The following MFSD6 variants were observed in gnomAD, a reference collection of about 807,000 sequenced individuals.
MFSD6 encodes major facilitator superfamily domain containing 6.
Under a neutral mutation model 56.3 loss-of-function variants are expected in MFSD6, and 26 were observed. That is an observed-to-expected ratio of 0.46 (90% CI 0.34 to 0.64). MFSD6 has a LOEUF of 0.64. MFSD6 is among the 30% of genes least tolerant of loss of function. MFSD6 has a pLI of 0.01. For missense variants in MFSD6, 750 were observed against 986.2 expected, an observed-to-expected ratio of 0.76 and a Z score of 3.21; for synonymous variants, 331 against 366.9, an observed-to-expected ratio of 0.90 and a Z score of 1.12.
intron 2 of MFSD6, among the ~76,000 whole-genome samples, chr2:190,422,661 G>A (rs927089701): frequency 1.3e-5 from 2 of 152,140 alleles, no homozygotes; most frequent in Non-Finnish European, 2.9e-5. Context: ...GTTCTGAAAC[G>A]ATGATGTGCT....
In MFSD6 at chr2:190,433,040, T is replaced by A. The variant is rs1422559055; in HGVS notation, c.-53-2937T>A. Among the ~76,000 whole-genome samples the A allele has an allele frequency of 6.6e-6, 1 of 152,258 alleles. No homozygotes were observed. Among genetic ancestry groups the A allele is most frequent in the Non-Finnish European group, 1.5e-5 (1 of 68,046 alleles). Reference sequence around the variant, plus strand: ...AGTCTTTTACCAATTGTTTACTTTCTGCTTTCCGTAATTTTATTTTATTGC... The same window carrying A: ...AGTCTTTTACCAATTGTTTACTTTCAGCTTTCCGTAATTTTATTTTATTGC... On this transcript the variant is annotated intron_variant, in intron 2 of 7. Coordinates refer to ENST00000392328, the MANE Select transcript of MFSD6 (RefSeq NM_017694.4). This position sits in a 1 kb window ranked among gnomAD's most constrained non-coding sequence, Gnocchi z 4.5.
In MFSD6 at chr2:190,417,996, GTGTGTA is replaced by G. The variant is rs1261050580; in HGVS notation, c.-54+2588_-54+2593del. Among the ~76,000 whole-genome samples the G allele has an allele frequency of 1.8e-4, 27 of 150,534 alleles. No homozygotes were observed. The highest frequency in any genetic ancestry group is 2.4e-4 in the Non-Finnish European group (16 of 67,550). On this transcript the variant is annotated intron_variant, in intron 2 of 7. Coordinates refer to ENST00000392328, the MANE Select transcript of MFSD6 (RefSeq NM_017694.4). This position sits in a 1 kb window ranked among gnomAD's most constrained non-coding sequence, Gnocchi z 5.7. ...TGTGTGTGTGTGTGTGTGTGTGTGT[GTGTGTA>G]TGTGAGAGAGAGAGAGATGTGGTTT...
In MFSD6 at chr2:190,496,714, T is replaced by C. The variant is rs1475773053; in HGVS notation, c.1892-725T>C. Among the ~76,000 whole-genome samples, 7 of 152,138 alleles carry C rather than the reference T, an allele frequency of 4.6e-5. No individual in the cohort carries two copies. Among genetic ancestry groups the C allele is most frequent in the Non-Finnish European group, 1.0e-4 (7 of 68,014 alleles). On this transcript the variant is annotated intron_variant, in intron 6 of 7. Coordinates refer to ENST00000392328, the MANE Select transcript of MFSD6 (RefSeq NM_017694.4). The surrounding 1 kb of genome is among the most constrained non-coding windows in gnomAD (Gnocchi z 4.7). ...CACACACATATACATACATACACAA[T>C]GGAATACTACTCAGCCATAAAAAGG... is the stretch of plus-strand genomic sequence containing the variant.
intron 1 of MFSD6, chr2:190,411,544 A>G: frequency 1.0e-6 from 1 of 985,148 alleles, no homozygotes; most frequent in Non-Finnish European, 1.2e-6. Context: ...TTTGGGCTTA[A>G]AATTTTGTTT....
In MFSD6 at chr2:190,417,555, G is replaced by GT. The variant is rs1219623277; in HGVS notation, c.-54+2149dup. ...TGGGTGCTCGATCTATAGCTGTAGG[G>GT]TTTTTTTGGTTGTTCAAATGAATGT... On this transcript the variant is annotated intron_variant, in intron 2 of 7. Transcript: ENST00000392328. The surrounding 1 kb of genome is among the most constrained non-coding windows in gnomAD (Gnocchi z 5.7). Among the ~76,000 whole-genome samples the GT allele has an allele frequency of 6.6e-6, 1 of 152,008 alleles. No homozygotes were observed. Among genetic ancestry groups the GT allele is most frequent in the African/African-American group, 2.4e-5 (1 of 41,380 alleles).
chr2:190,427,773 C>T (rs1685828726), intron 2 of MFSD6, among the ~76,000 whole-genome samples: 1 of 151,824 alleles, frequency 6.6e-6, no homozygotes, highest in Admixed American at 6.6e-5. Flanking sequence ...CTCTTGTCAC[C>T]CAGGCTAGAG....
intron 4 of MFSD6, among the ~76,000 whole-genome samples, chr2:190,475,821 C>G (rs976901652): frequency 1.1e-4 from 17 of 151,646 alleles, no homozygotes; most frequent in East Asian, 9.7e-4. Flanking sequence ...ATACTACAAG[C>G]CTACAGTAAC....
chr2:190,455,198 A>G (rs138793878), intron 3 of MFSD6, among the ~76,000 whole-genome samples: 1,663 of 152,236 alleles, frequency 0.011, 33 homozygotes, highest in African/African-American at 0.037. Flanking sequence ...AGAGACTAGT[A>G]TCATTGCTAT....
rs1689278272 is a variant in MFSD6, at chr2:190,490,464, G to C, written c.1891+598G>C. ...TGTAATCCCAGCTACTCAGGAGGCT[G>C]AGGCAGGAGAATGGCGTGAACCCAG... On this transcript the variant is annotated intron_variant, in intron 6 of 7. Coordinates refer to ENST00000392328, the MANE Select transcript of MFSD6 (RefSeq NM_017694.4). The surrounding 1 kb of genome is among the most constrained non-coding windows in gnomAD (Gnocchi z 4.5). Among the ~76,000 whole-genome samples, 1 of 152,060 alleles carries C rather than the reference G, an allele frequency of 6.6e-6. No homozygotes were observed. Among genetic ancestry groups the C allele is most frequent in the Non-Finnish European group, 1.5e-5 (1 of 68,010 alleles).
intron 3 of MFSD6, among the ~76,000 whole-genome samples, chr2:190,444,623 C>T (rs534351627): frequency 6.4e-4 from 98 of 152,216 alleles, no homozygotes; most frequent in Admixed American, 1.4e-3. Context: ...TTGTGTTTTT[C>T]ATTTATTATA....
In MFSD6 at chr2:190,490,285, C is replaced by T. The variant is rs977647870; in HGVS notation, c.1891+419C>T. ...TGTTAAAAAAAAAAAAAACAATGGC[C>T]GGGTGCAGTGGCTCACGCCTGTAAT... On this transcript the variant is annotated intron_variant, in intron 6 of 7. Coordinates refer to ENST00000392328, the MANE Select transcript of MFSD6 (RefSeq NM_017694.4). The surrounding 1 kb of genome is among the most constrained non-coding windows in gnomAD (Gnocchi z 4.5). 2.6e-5 allele frequency among the ~76,000 whole-genome samples: 4 copies of T among 151,276 alleles called. No homozygotes were observed. The highest frequency in any genetic ancestry group is 1.9e-4 in the East Asian group (1 of 5,176).
chr2:190,436,832 A>C lies in MFSD6; in HGVS notation c.803A>C (p.Lys268Thr). ...ETTTVIVTTT[K>T]SLPSDQVMLV... ...ACCACTGTTATTGTTACCACCACCAAATCTTTACCTTCTGACCAAGTCATG... is the reference window on the plus strand; with the variant it reads ...ACCACTGTTATTGTTACCACCACCACATCTTTACCTTCTGACCAAGTCATG... Residue 268 changes from lysine to threonine, a missense_variant, in exon 3 of 8, where the codon AAA becomes ACA. Coordinates refer to ENST00000392328, the MANE Select transcript of MFSD6 (RefSeq NM_017694.4). This position sits in a 1 kb window ranked among gnomAD's most constrained non-coding sequence, Gnocchi z 5.3. The C allele has an allele frequency of 6.2e-7, 1 of 1,614,158 alleles. No individual in the cohort carries two copies. Among genetic ancestry groups the C allele is most frequent in the Non-Finnish European group, 8.5e-7 (1 of 1,180,038 alleles).
rs150839935 is a variant in MFSD6 at position 190,426,946 on chromosome 2, T to G, written c.-53-9031T>G. The stretch of plus-strand genomic sequence containing the variant: ...GGAGGTAGAAGTCCAAGTTCCTCAC[T>G]CAGCCTCTTTGGATACCTGAAGGTG... On this transcript the variant is annotated intron_variant, in intron 2 of 7. Coordinates refer to ENST00000392328, the MANE Select transcript of MFSD6 (RefSeq NM_017694.4). The surrounding 1 kb of genome is among the most constrained non-coding windows in gnomAD (Gnocchi z 4.7). 1.8e-3 allele frequency among the ~76,000 whole-genome samples: 280 copies of G among 152,382 alleles called. 1 individual carries two copies. The highest frequency in any genetic ancestry group is 3.3e-3 in the Non-Finnish European group (224 of 68,038).
rs1687460358 is a variant in MFSD6 at position 190,463,865 on chromosome 2, T to C, written c.1533-5893T>C. 3 of 973,628 alleles carry C rather than the reference T, an allele frequency of 3.1e-6. No individual in the cohort carries two copies. The highest frequency in any genetic ancestry group is 3.7e-6 in the Non-Finnish European group (3 of 819,382). The allele number at this position is 973,628 out of a possible 1,614,324, so 60.3% of individuals were successfully genotyped here. A position where few individuals can be genotyped will look rare whatever the true frequency, so the allele number is the denominator to read the frequency against. ...AATAAAAATAAAAAGCTGAGAATGA[T>C]GGAGCCCAATCTAAGGGCGCACCAT... is the stretch of plus-strand genomic sequence containing the variant. On this transcript the variant is annotated intron_variant, in intron 3 of 7. Coordinates refer to ENST00000392328, the MANE Select transcript of MFSD6 (RefSeq NM_017694.4). The surrounding 1 kb of genome is among the most constrained non-coding windows in gnomAD (Gnocchi z 4.4).
rs1273713596 is a variant in MFSD6, at chr2:190,488,601, A to G, written c.1631-56A>G. The G allele has an allele frequency of 1.5e-6, 2 of 1,357,768 alleles. No homozygotes were observed. Among genetic ancestry groups the G allele is most frequent in the African/African-American group, 1.5e-5 (1 of 66,810 alleles). The allele number at this position is 1,357,768 out of a possible 1,614,324, so 84.1% of individuals were successfully genotyped here. A position where few individuals can be genotyped will look rare whatever the true frequency, so the allele number is the denominator to read the frequency against. On this transcript the variant is annotated intron_variant, in intron 4 of 7. Transcript: ENST00000392328. This position sits in a 1 kb window ranked among gnomAD's most constrained non-coding sequence, Gnocchi z 6.4. ...AGTTAAATAATTCACATTTCAAAACAGAGTAGCCTAAGAAATGCTAACCAA... is the reference window on the plus strand; with the variant it reads ...AGTTAAATAATTCACATTTCAAAACGGAGTAGCCTAAGAAATGCTAACCAA...
Position 190,410,124 on chromosome 2 carries a change from A to G in MFSD6, c.-176+1621A>G, listed in dbSNP as rs1055153730. On this transcript the variant is annotated intron_variant, in intron 1 of 7. Coordinates refer to ENST00000392328, the MANE Select transcript of MFSD6 (RefSeq NM_017694.4). This position sits in a 1 kb window ranked among gnomAD's most constrained non-coding sequence, Gnocchi z 4.4. ...AAGACAAAAAGCAGAGTTCACAGGT[A>G]TTTGGTGGTGTGAGTATTGGATCAC... Among the ~76,000 whole-genome samples the G allele has an allele frequency of 1.3e-5, 2 of 152,352 alleles. No homozygotes were observed. Among genetic ancestry groups the G allele is most frequent in the South Asian group, 4.1e-4 (2 of 4,832 alleles).
At position 190,489,827 on chromosome 2, in the gene MFSD6, G is replaced by A. The variant is rs921603349; in HGVS notation, c.1852G>A (p.Ala618Thr). The A allele has an allele frequency of 3.1e-6, 5 of 1,614,174 alleles. No individual in the cohort carries two copies. Among genetic ancestry groups the A allele is most frequent in the Non-Finnish European group, 4.2e-6 (5 of 1,180,018 alleles). The change falls in exon 6 of 8, where the codon GCC becomes ACC. Residue 618 changes from alanine to threonine, a missense_variant. Coordinates refer to ENST00000392328, the MANE Select transcript of MFSD6 (RefSeq NM_017694.4). The surrounding 1 kb of genome is among the most constrained non-coding windows in gnomAD (Gnocchi z 6.6). ...MACLVILLLF[A>T]LIQWLAVPDE... ...CTGCTTGGTGATCCTACTGCTCTTT[G>A]CCCTGATCCAGTGGCTGGCAGTGCC...
chr2:190,427,904 G>C (rs1467532458), intron 2 of MFSD6, among the ~76,000 whole-genome samples: 1 of 152,036 alleles, frequency 6.6e-6, no homozygotes, highest in Non-Finnish European at 1.5e-5. Context: ...GCTAATTTTT[G>C]TATTTTTAGT....
chr2:190,478,494 GGTTT>G (rs753132498), intron 4 of MFSD6, among the ~76,000 whole-genome samples: 7 of 152,198 alleles, frequency 4.6e-5, no homozygotes, highest in Non-Finnish European at 1.0e-4. Context: ...TGACTGAAGA[GGTTT>G]GTTTTGCTAG....
Sources: gnomAD v4.1 joint callset for allele counts (sites outside exome capture counted in the v4.1 genomes callset) on GRCh38, gnomAD v4.1.1 for gene constraint, Gnocchi (gnomAD v3.1) non-coding constraint, MANE v1.5 for transcripts, NCBI Gene and HGNC (gene_info 2026-07-23, HGNC 2026-07-21) for gene names.